Variants in CNBD1 observed in about 807,000 individuals in gnomAD.
CNBD1 encodes cyclic nucleotide binding domain containing 1, also known as cyclic nucleotide-binding domain-containing protein 1.
In CNBD1, 71 loss-of-function variants were observed where a neutral mutation model predicts 54.4. The ratio of observed to expected loss-of-function variants is 1.30; its 90% confidence interval spans 1.08 to 1.59. The LOEUF (loss-of-function observed/expected upper bound fraction) is 1.59. Ranked by LOEUF, CNBD1 falls within the 40% of genes most tolerant of loss-of-function variation. The pLI is 0.00. For synonymous variants in CNBD1, 182 were observed against 170.7 expected (o/e 1.07, Z -0.51); for missense variants, 659 against 518.0 (o/e 1.27, Z -2.64).
intron 8 of CNBD1, among the ~76,000 whole-genome samples, chr8:87,307,946 GTTAAAC>G (rs1028274084): frequency 2.6e-5 from 4 of 151,966 alleles, no homozygotes; most frequent in African/African-American, 9.7e-5. Context: ...GTATCCACAA[GTTAAAC>G]TAATCTCACT....
chr8:86,906,153 G>A (rs766638238), intron 3 of CNBD1, among the ~76,000 whole-genome samples: 20 of 152,290 alleles, frequency 1.3e-4, no homozygotes, highest in Admixed American at 7.8e-4. Context: ...AGCTGATCAA[G>A]AATATGTTTT....
chr8:87,257,408 T>G (rs1808045684), intron 6 of CNBD1, among the ~76,000 whole-genome samples: 1 of 149,196 alleles, frequency 6.7e-6, no homozygotes, highest in Non-Finnish European at 1.5e-5. Context: ...TGAATGAAAT[T>G]TCTTTATAAA....
intron 4 of CNBD1, among the ~76,000 whole-genome samples, chr8:87,026,948 C>T (rs935194308): frequency 1.3e-5 from 2 of 152,104 alleles, no homozygotes. Context: ...AACACCCGGA[C>T]AAAAATGTAT....
chr8:86,968,783 C>T (rs1195609784), intron 4 of CNBD1, among the ~76,000 whole-genome samples: 1 of 152,166 alleles, frequency 6.6e-6, no homozygotes, highest in Non-Finnish European at 1.5e-5. Flanking sequence ...CTTAGTGAAT[C>T]TGCATTTTTT....
intron 8 of CNBD1, among the ~76,000 whole-genome samples, chr8:87,288,519 A>G (rs1460332503): frequency 6.6e-6 from 1 of 152,036 alleles, no homozygotes; most frequent in East Asian, 1.9e-4. Context: ...GAAAGGGGAG[A>G]ATGATTATGT....
At chr8:87,095,739 G>A (rs1204063451) in intron 4 of CNBD1, among the ~76,000 whole-genome samples, 3 of 152,102 alleles carry the variant, frequency 2.0e-5, no homozygotes, top group Admixed American at 6.5e-5. Flanking sequence ...CTCACTGAAA[G>A]CTCTGCCTCC....
chr8:87,406,024 G>A lies in CNBD1; in HGVS notation c.214-22522G>A, dbSNP rs187461610. Among the ~76,000 whole-genome samples, 478 of 152,120 alleles carry A rather than the reference G, an allele frequency of 3.1e-3. 2 individuals carry two copies. Among genetic ancestry groups the A allele is most frequent in the African/African-American group, 0.011 (451 of 41,520 alleles). ...CTTATTCTCAATATATTTCTCTATG[G>A]ATATTGAAGCAGAGCTTGTTCTTAA... On this transcript the variant is annotated intron_variant, in intron 2 of 7. Coordinates refer to the CNBD1 transcript ENST00000521593.
At chr8:87,097,807 A>G (rs942478540) in intron 4 of CNBD1, among the ~76,000 whole-genome samples, 27 of 152,190 alleles carry the variant, frequency 1.8e-4, no homozygotes, top group African/African-American at 6.5e-4. Context: ...TCAGGAACTA[A>G]GGAGATTTGC....
chr8:86,941,983 G>A (rs1285405502), intron 4 of CNBD1, among the ~76,000 whole-genome samples: 1 of 152,166 alleles, frequency 6.6e-6, no homozygotes, highest in East Asian at 1.9e-4. Context: ...GGGCAGCCAG[G>A]ACTTTGACAT....
At chr8:86,898,740 C>T (rs1808884394) in intron 2 of CNBD1, among the ~76,000 whole-genome samples, 1 of 151,978 alleles carries the variant, frequency 6.6e-6, no homozygotes, top group Admixed American at 6.6e-5. Context: ...AAGAAAAATT[C>T]TAGGTAACGT....
intron 6 of CNBD1, among the ~76,000 whole-genome samples, chr8:87,256,659 T>C (rs1024318464): frequency 1.3e-5 from 2 of 151,966 alleles, no homozygotes; most frequent in African/African-American, 4.8e-5. Context: ...ATCAGTGATT[T>C]GGGGGAAATT....
At position 87,374,222 on chromosome 8, in the gene CNBD1, G is replaced by A. The variant is rs376997152; in HGVS notation, c.1304-8398G>A. ...ATAATCATCATTGTGAATATTTACC[G>A]TGCACTTCATCTGTCTTTTACTGTG... On this transcript the variant is annotated intron_variant, in intron 10 of 10. Transcript: ENST00000518476. Among the ~76,000 whole-genome samples, 9 of 151,704 alleles carry A rather than the reference G, an allele frequency of 5.9e-5. No individual in the cohort carries two copies. In the South Asian group the frequency reaches 6.2e-4, roughly 10 times the overall value.
chr8:87,257,387 G>GAAAAAAAAAAAAAAAAAAA (rs1554573274), intron 6 of CNBD1, among the ~76,000 whole-genome samples: 3 of 107,056 alleles, frequency 2.8e-5, no homozygotes, highest in Non-Finnish European at 3.9e-5. Context: ...AAAAAAAAAG[G>GAAAAAAAAAAAAAAAAAAA]AAATGACAAT....
intron 3 of CNBD1, among the ~76,000 whole-genome samples, chr8:86,919,182 C>T (rs1299711674): frequency 6.6e-6 from 1 of 152,068 alleles, no homozygotes; most frequent in Non-Finnish European, 1.5e-5. Context: ...CAAAGAAATA[C>T]ACATAGGATT....
intron 10 of CNBD1, among the ~76,000 whole-genome samples, chr8:87,366,604 G>T (rs1017885846): frequency 2.0e-5 from 3 of 152,030 alleles, no homozygotes; most frequent in Admixed American, 2.0e-4. Context: ...AAAAATCCCT[G>T]TACTGTGTAA....
At chr8:87,180,620 C>T (rs1467004291) in intron 4 of CNBD1, among the ~76,000 whole-genome samples, 1 of 152,072 alleles carries the variant, frequency 6.6e-6, no homozygotes, top group Non-Finnish European at 1.5e-5. Context: ...TAATTTAAAA[C>T]AATACCTATA....
chr8:87,225,243 C>G (rs1309921921), intron 5 of CNBD1, among the ~76,000 whole-genome samples: 1 of 145,316 alleles, frequency 6.9e-6, no homozygotes, highest in Admixed American at 6.9e-5. Context: ...ATTTCCTTCT[C>G]CTGCCTAATT....
chr8:87,326,461 C>G (rs559510515), intron 8 of CNBD1, among the ~76,000 whole-genome samples: 1 of 125,480 alleles, frequency 8.0e-6, no homozygotes, highest in Non-Finnish European at 1.8e-5. Context: ...TAGATTTGGT[C>G]TTTTCACATA....
chr8:87,048,924 C>T (rs1470495861), intron 4 of CNBD1, among the ~76,000 whole-genome samples: 1 of 152,160 alleles, frequency 6.6e-6, no homozygotes, highest in Admixed American at 6.5e-5. Flanking sequence ...TAAGTCTTAT[C>T]CCCACCTAGG....
Sources: gnomAD v4.1 joint callset for allele counts (sites outside exome capture counted in the v4.1 genomes callset) on GRCh38, gnomAD v4.1.1 for gene constraint, MANE v1.5 for transcripts, NCBI Gene and HGNC (gene_info 2026-07-23, HGNC 2026-07-21) for gene names.